NUP107: variants seen among roughly 807,000 people sequenced by gnomAD.
The protein encoded by NUP107 is nuclear pore complex protein Nup107.
Under a neutral mutation model 141.0 loss-of-function variants are expected in NUP107, and 101 were observed. The ratio of observed to expected loss-of-function variants is 0.72; its 90% CI spans 0.61 to 0.84. NUP107 has a LOEUF of 0.84. NUP107 is among the 40% of genes least tolerant of loss of function. NUP107 has a pLI of 0.00. For missense variants in NUP107, 941 were observed against 1,102.7 expected (o/e 0.85, Z 2.08); for synonymous variants, 319 against 363.9 (o/e 0.88, Z 1.41).
chr12:68,712,346 G>C (rs1312462981), intron 10 of NUP107, among the ~76,000 whole-genome samples: 1 of 149,004 alleles, frequency 6.7e-6, no homozygotes, highest in African/African-American at 2.5e-5. Flanking sequence ...AGCCAGTCGT[G>C]GTGGCGGGCA....
intron 12 of NUP107, 152 bp from the exon 13 acceptor site, chr12:68,719,189 A>G (rs1396110652): frequency 2.1e-5 from 12 of 570,060 alleles, no homozygotes; most frequent in South Asian, 1.9e-4. Context: ...ACGCCCAGCC[A>G]GAATTCCATT....
chr12:68,690,527 A>G lies in NUP107; in HGVS notation c.188-104A>G, dbSNP rs1875729389. ...TATTTATTTGGTTAGAGTCTAAATA[A>G]TGGAAAACTGAAAAATTTATTCTTC... On this transcript the variant is annotated intron_variant, in intron 3 of 27. Coordinates refer to ENST00000229179, the MANE Select transcript of NUP107 (RefSeq NM_020401.4). 2.1e-6 allele frequency: 3 copies of G among 1,423,268 alleles called. No homozygotes were observed. In the Admixed American group the frequency reaches 5.9e-5, roughly 28 times the overall value. The allele number at this position is 1,423,268 out of a possible 1,614,324, so 88.2% of individuals were successfully genotyped here. A position where few individuals can be genotyped will look rare whatever the true frequency, so the allele number is the denominator to read the frequency against.
At chr12:68,707,095 C>T (rs532623646) in intron 8 of NUP107, 1 of 567,432 alleles carries the variant, frequency 1.8e-6, no homozygotes, top group African/African-American at 1.9e-5. Flanking sequence ...CCCCTTCTAG[C>T]CTACCCCTTC....
Position 68,742,357 on chromosome 12 carries a change from A to G in NUP107, c.2673A>G (p.Val891=), listed in dbSNP as rs780280726. 4.4e-6 allele frequency: 7 copies of G among 1,591,606 alleles called. No homozygotes were observed. In the African/African-American group the frequency reaches 8.1e-5, roughly 18 times the overall value. ...VSSERHKLYL[V]FSKEELRKLL... is the part of the protein sequence containing the mutation. ...TTATTTCTCTTTTTAAAAATCAGGT[A>G]TTTTCTAAGGAAGAGCTAAGGAAGT... The change falls in exon 28 of 28, where the codon GTA becomes GTG. Residue 891 remains valine (V), a splice_region_variant and synonymous_variant. Transcript: ENST00000229179.
intron 2 of NUP107, 89 bp downstream of exon 2, chr12:68,689,142 TG>T: frequency 1.0e-6 from 1 of 963,658 alleles, no homozygotes; most frequent in Non-Finnish European, 1.6e-6. Flanking sequence ...GAGTATTAAA[TG>T]GTAGCTATAA....
Position 68,726,528 on chromosome 12 carries a change from T to C in NUP107, c.1606T>C (p.Ser536Pro). The stretch of plus-strand genomic sequence containing the variant: ...GATGGATGAGTTTAGCAAATGGCTT[T>C]CCAAAAGCAGAAACAATCTACCTGG... ...GLMDEFSKWL[S>P]KSRNNLPGHL... Residue 536 changes from serine to proline, a missense_variant, in exon 19 of 28, where the codon TCC becomes CCC. Physicochemically the swap from Ser to Pro is moderately conservative, Grantham distance 74. Transcript: ENST00000229179. The C allele has an allele frequency of 3.1e-6, 5 of 1,613,896 alleles. No individual in the cohort carries two copies. Among genetic ancestry groups the C allele is most frequent in the Non-Finnish European group, 4.2e-6 (5 of 1,179,828 alleles).
intron 6 of NUP107, among the ~76,000 whole-genome samples, chr12:68,697,943 G>A (rs1409351309): frequency 3.3e-5 from 5 of 151,044 alleles, no homozygotes; most frequent in Admixed American, 6.6e-5. Flanking sequence ...CAGGAGAATC[G>A]CTTGAACCTG....
chr12:68,691,869 C>A, intron 4 of NUP107, 99 bp from the exon 5 acceptor site: 42 of 852,422 alleles, frequency 4.9e-5, no homozygotes, highest in Middle Eastern at 3.5e-4. Context: ...CGCATACATA[C>A]ATATAATTTT....
In NUP107 at chr12:68,742,552, C is replaced by T. The variant is rs898499738; in HGVS notation, c.*90C>T. ...TTAGTAATTTTTTCTTTTGCATTAC[C>T]ATGTAAAATTTAGACATTTGAATTT... On this transcript the variant is annotated 3_prime_UTR_variant, in exon 28 of 28. Transcript: ENST00000229179. 2.1e-5 allele frequency: 13 copies of T among 629,834 alleles called. No homozygotes were observed. The South Asian group carries it at 3.3e-4, about 16-fold the overall frequency. 39.0% of individuals were successfully genotyped at this position (629,834 alleles called of 1,614,324 possible).
At chr12:68,698,055 T>A (rs1050095359) in intron 6 of NUP107, among the ~76,000 whole-genome samples, 1 of 151,492 alleles carries the variant, frequency 6.6e-6, no homozygotes, top group Non-Finnish European at 1.5e-5. Flanking sequence ...AGAAAAGATG[T>A]TTCACATTGT....
chr12:68,739,287 T>C (rs1878217691), intron 26 of NUP107, among the ~76,000 whole-genome samples: 1 of 152,250 alleles, frequency 6.6e-6, no homozygotes, highest in Non-Finnish European at 1.5e-5. Context: ...AACATATTAA[T>C]TTATTTGCTT....
intron 7 of NUP107, among the ~76,000 whole-genome samples, chr12:68,701,868 G>A (rs1313196827): frequency 6.6e-6 from 1 of 151,986 alleles, no homozygotes; most frequent in African/African-American, 2.4e-5. Flanking sequence ...TGAGTGCAGT[G>A]GCACAACCTT....
At chr12:68,708,980 A>C (rs1217740078) in intron 8 of NUP107, among the ~76,000 whole-genome samples, 1 of 152,118 alleles carries the variant, frequency 6.6e-6, no homozygotes, top group Non-Finnish European at 1.5e-5. Flanking sequence ...CATCTCTGGG[A>C]AAATGGAATT....
Position 68,721,115 on chromosome 12 carries a change from T to C in NUP107, c.1252-3T>C, listed in dbSNP as rs765755584. ...AAATTTGTTTATATTCATTGTGTTTTAGGAGCTTTTTAATAGATACGAGAG... is the reference window on the plus strand; with the variant it reads ...AAATTTGTTTATATTCATTGTGTTTCAGGAGCTTTTTAATAGATACGAGAG... On this transcript the variant is annotated splice_polypyrimidine_tract_variant and splice_region_variant and intron_variant, in intron 14 of 27. Transcript: ENST00000229179. 6.3e-6 allele frequency: 10 copies of C among 1,582,706 alleles called. No homozygotes were observed. The highest frequency in any genetic ancestry group is 4.5e-5 in the East Asian group (2 of 44,488).
intron 6 of NUP107, 40 bp from the exon 7 acceptor site, chr12:68,700,686 G>A (rs375768110): frequency 2.1e-6 from 3 of 1,455,268 alleles, no homozygotes; most frequent in Admixed American, 5.0e-5. Flanking sequence ...ACTCAAAATT[G>A]TAGAAAATTA....
chr12:68,717,047 G>A (rs1592509524), intron 12 of NUP107, among the ~76,000 whole-genome samples: 1 of 151,936 alleles, frequency 6.6e-6, no homozygotes, highest in South Asian at 2.1e-4. Context: ...ACAGGCACAC[G>A]CCTCCACGCC....
At chr12:68,716,122 C>T (rs182539321) in intron 12 of NUP107, among the ~76,000 whole-genome samples, 18 of 151,630 alleles carry the variant, frequency 1.2e-4, no homozygotes, top group East Asian at 9.7e-4. Flanking sequence ...AAACTTCTGG[C>T]CTTAAGTGAT....
chr12:68,733,418 G>T (rs11177346), intron 23 of NUP107, 34 bp from the exon 24 acceptor site: 2 of 1,587,758 alleles, frequency 1.3e-6, no homozygotes, highest in Non-Finnish European at 1.7e-6. Context: ...AGAGAAGTCC[G>T]TAGGCATTCA....
chr12:68,714,803 C>A (rs1302544491), intron 11 of NUP107, among the ~76,000 whole-genome samples: 3 of 152,140 alleles, frequency 2.0e-5, no homozygotes, highest in Non-Finnish European at 4.4e-5. Context: ...TATTAGAAAT[C>A]TGTTTAAATT....
Sources: allele counts gnomAD v4.1 joint callset (sites outside exome capture counted in the v4.1 genomes callset), GRCh38; gene constraint gnomAD v4.1.1; transcripts MANE v1.5; gene names NCBI Gene and HGNC (gene_info 2026-07-23, HGNC 2026-07-21).